The following GALNTL6 variants were observed in gnomAD, a reference collection of about 807,000 sequenced individuals.
The protein encoded by GALNTL6 is polypeptide N-acetylgalactosaminyltransferase-like 6.
A neutral mutation model predicts 73.7 loss-of-function variants in GALNTL6; 46 were observed. That is an observed-to-expected ratio of 0.62 (90% CI 0.49 to 0.80). The LOEUF (loss-of-function observed/expected upper bound fraction) is 0.80, where lower values mean the gene tolerates loss of function less well. Among genes scored for constraint, GALNTL6 ranks in the 30% least tolerant of loss-of-function variants. GALNTL6 has a pLI of 0.00. For synonymous variants in GALNTL6, 259 were observed against 263.7 expected, an observed-to-expected ratio of 0.98 and a Z score of 0.17; for missense variants, 604 against 755.0, an observed-to-expected ratio of 0.80 and a Z score of 2.34.
chr4:172,458,515 G>T (rs337046), intron 5 of GALNTL6, among the ~76,000 whole-genome samples: 84 of 151,998 alleles, frequency 5.5e-4, no homozygotes, highest in African/African-American at 1.2e-3. Context: ...ATCAAATAGA[G>T]GCAATAAAAA....
chr4:172,088,356 G>T (rs1407037336), intron 2 of GALNTL6, among the ~76,000 whole-genome samples: 1 of 152,040 alleles, frequency 6.6e-6, no homozygotes, highest in East Asian at 1.9e-4. Context: ...TAGACAAAAA[G>T]CAAATTAATA....
At chr4:172,044,633 G>C (rs1469704818) in intron 2 of GALNTL6, among the ~76,000 whole-genome samples, 1 of 151,950 alleles carries the variant, frequency 6.6e-6, no homozygotes, top group Non-Finnish European at 1.5e-5. Flanking sequence ...GCTGAGAAGT[G>C]TCACAATTGT....
chr4:173,035,049 TCAC>T (rs1753628615), intron 12 of GALNTL6, among the ~76,000 whole-genome samples: 2 of 152,002 alleles, frequency 1.3e-5, no homozygotes, highest in South Asian at 4.1e-4. Flanking sequence ...CATATCCTAC[TCAC>T]CCTCATCTAC....
intron 5 of GALNTL6, among the ~76,000 whole-genome samples, chr4:172,369,792 C>A (rs1561049942): frequency 6.6e-6 from 1 of 152,192 alleles, no homozygotes; most frequent in Non-Finnish European, 1.5e-5. Context: ...CTGCGCCCAC[C>A]TGGAACTCGC....
At chr4:172,138,492 TATATATATATATATATATATA>T (rs753369865) in intron 2 of GALNTL6, among the ~76,000 whole-genome samples, 17 of 7,708 alleles carry the variant, frequency 2.2e-3, no homozygotes, top group African/African-American at 5.4e-3. Context: ...TATATATATA[TATATATATATATATATATATA>T]TTTTTTTTTT....
At chr4:172,143,802 G>A (rs1187586025) in intron 2 of GALNTL6, among the ~76,000 whole-genome samples, 2 of 152,018 alleles carry the variant, frequency 1.3e-5, no homozygotes, top group Non-Finnish European at 2.9e-5. Context: ...CCTCACAGTA[G>A]TTCATATCTT....
intron 5 of GALNTL6, among the ~76,000 whole-genome samples, chr4:172,742,949 T>G (rs1312066026): frequency 6.6e-6 from 1 of 152,070 alleles, no homozygotes; most frequent in South Asian, 2.1e-4. Context: ...ATAGCTGTTA[T>G]GCATGCCAAA....
chr4:172,029,387 T>A (rs1741694424), intron 2 of GALNTL6, among the ~76,000 whole-genome samples: 1 of 152,070 alleles, frequency 6.6e-6, no homozygotes, highest in African/African-American at 2.4e-5. Context: ...TAATATTGAT[T>A]TAACCTCAAA....
intron 2 of GALNTL6, among the ~76,000 whole-genome samples, chr4:172,139,413 A>T (rs1733747130): frequency 1.3e-5 from 2 of 152,250 alleles, no homozygotes; most frequent in Non-Finnish European, 2.9e-5. Context: ...ACACAATTCT[A>T]GAATTTTAAC....
intron 5 of GALNTL6, among the ~76,000 whole-genome samples, chr4:172,434,347 A>G (rs573008768): frequency 5.1e-4 from 77 of 152,220 alleles, no homozygotes; most frequent in Non-Finnish European, 9.4e-4. Flanking sequence ...TGTCTCTACA[A>G]GTGAAGTATA....
chr4:172,337,044 T>C (rs796852656), intron 4 of GALNTL6, among the ~76,000 whole-genome samples: 2 of 152,312 alleles, frequency 1.3e-5, no homozygotes, highest in African/African-American at 4.8e-5. Flanking sequence ...CCTTTTTTGC[T>C]GTCATTGGTT....
chr4:171,909,108 A>G (rs1737393804), intron 2 of GALNTL6, among the ~76,000 whole-genome samples: 1 of 150,782 alleles, frequency 6.6e-6, no homozygotes, highest in South Asian at 2.1e-4. Context: ...ACTAACCTGC[A>G]CATTGTGCAC....
At chr4:172,156,547 A>ATATATAC (rs1734283915) in intron 2 of GALNTL6, among the ~76,000 whole-genome samples, 9 of 113,776 alleles carry the variant, frequency 7.9e-5, no homozygotes, top group Non-Finnish European at 1.2e-4. Flanking sequence ...TATAATATAT[A>ATATATAC]TATATATATA....
intron 7 of GALNTL6, among the ~76,000 whole-genome samples, chr4:172,831,631 T>C (rs1466467571): frequency 1.3e-5 from 2 of 152,082 alleles, no homozygotes; most frequent in African/African-American, 4.8e-5. Context: ...CGGAACTGGA[T>C]GTGGGGTCTG....
chr4:172,523,803 T>C (rs973646336), intron 5 of GALNTL6, among the ~76,000 whole-genome samples: 3 of 152,186 alleles, frequency 2.0e-5, no homozygotes, highest in Non-Finnish European at 4.4e-5. Flanking sequence ...CTTAATGGGG[T>C]ATTTATTTTG....
intron 2 of GALNTL6, among the ~76,000 whole-genome samples, chr4:171,944,958 T>C (rs77546662): frequency 0.013 from 2,006 of 152,148 alleles, 49 homozygotes; most frequent in African/African-American, 0.046. Flanking sequence ...TAAGTTCTGT[T>C]CTTTTTCAAT....
chr4:172,561,259 CAAAAAAAAAAA>C (rs59249298), intron 5 of GALNTL6, among the ~76,000 whole-genome samples: 4 of 60,130 alleles, frequency 6.7e-5, no homozygotes, highest in African/African-American at 3.7e-4. Flanking sequence ...GACTCCGTCT[CAAAAAAAAAAA>C]AAAAAAAAAA....
chr4:171,898,690 G>T (rs78217418), intron 2 of GALNTL6, among the ~76,000 whole-genome samples: 1,889 of 152,120 alleles, frequency 0.012, 44 homozygotes, highest in African/African-American at 0.043. Flanking sequence ...CCTGGATCTG[G>T]GAGTTGGGAT....
At chr4:172,298,739 C>T (rs1739783896) in intron 3 of GALNTL6, among the ~76,000 whole-genome samples, 1 of 152,228 alleles carries the variant, frequency 6.6e-6, no homozygotes, top group East Asian at 1.9e-4. Flanking sequence ...GGTGGATAAG[C>T]TTTTTGATGT....
Sources: allele counts gnomAD v4.1 joint callset (sites outside exome capture counted in the v4.1 genomes callset), GRCh38; gene constraint gnomAD v4.1.1; transcripts MANE v1.5; gene names NCBI Gene and HGNC (gene_info 2026-07-23, HGNC 2026-07-21).